Variants in ANKS1B observed in about 807,000 individuals in gnomAD.
The protein encoded by ANKS1B is ankyrin repeat and sterile alpha motif domain containing 1B.
A neutral mutation model predicts 148.3 loss-of-function variants in ANKS1B; 36 were observed. The ratio of observed to expected loss-of-function variants is 0.24; its 90% CI spans 0.19 to 0.32. ANKS1B has a LOEUF of 0.32. Among genes scored for constraint, ANKS1B ranks in the 10% least tolerant of loss-of-function variants. The probability of loss-of-function intolerance (pLI) is 1.00; values close to 1 mark genes in which losing one functional copy is unlikely to be tolerated. For missense variants in ANKS1B, 1,157 were observed against 1,542.6 expected, an observed-to-expected ratio of 0.75 and a Z score of 4.19; for synonymous variants, 542 against 560.8, an observed-to-expected ratio of 0.97 and a Z score of 0.47.
Position 99,399,683 on chromosome 12 carries a change from G to T in ANKS1B, c.1704C>A (p.Pro568=). 1 of 1,613,524 alleles carries T rather than the reference G, an allele frequency of 6.2e-7. No individual in the cohort carries two copies. Among genetic ancestry groups the T allele is most frequent in the Non-Finnish European group, 8.5e-7 (1 of 1,179,514 alleles). ...SFTASPPASP[P]TSSVGTTEVK... ...CTTCTGTGGTTCCCACAGAAGAGGT[G>T]GGTGGACTAGCAGGAGGACTGGCAG... The change falls in exon 12 of 27, where the codon CCC becomes CCA. Residue 568 remains proline, a synonymous_variant. Transcript: ENST00000683438.
intron 1 of ANKS1B, among the ~76,000 whole-genome samples, chr12:99,835,176 C>G (rs2084636815): frequency 6.7e-6 from 1 of 150,018 alleles, no homozygotes; most frequent in African/African-American, 2.5e-5. Context: ...CTTTTGGAGG[C>G]CAAGACAGGT....
intron 17 of ANKS1B, among the ~76,000 whole-genome samples, chr12:98,983,648 C>T (rs1234942878): frequency 1.3e-5 from 2 of 152,160 alleles, no homozygotes; most frequent in Non-Finnish European, 2.9e-5. Context: ...TCACCACTTC[C>T]CAAGGTTCCT....
chr12:99,531,012 T>C (rs1459407683), intron 9 of ANKS1B, among the ~76,000 whole-genome samples: 1 of 152,178 alleles, frequency 6.6e-6, no homozygotes, highest in Non-Finnish European at 1.5e-5. Context: ...CTTGCTTATG[T>C]TCTCCTTATT....
chr12:98,910,691 T>C (rs1438411592), intron 17 of ANKS1B, among the ~76,000 whole-genome samples: 4 of 152,200 alleles, frequency 2.6e-5, no homozygotes, highest in African/African-American at 9.7e-5. Flanking sequence ...TTGTAAATAG[T>C]GCATTTAAAA....
At chr12:98,911,923 C>A (rs186577132) in intron 17 of ANKS1B, among the ~76,000 whole-genome samples, 1 of 152,174 alleles carries the variant, frequency 6.6e-6, no homozygotes, top group Admixed American at 6.5e-5. Flanking sequence ...TCAGGGACAC[C>A]TTGACTGGGT....
At chr12:99,194,549 CA>C (rs2081156195) in intron 14 of ANKS1B, among the ~76,000 whole-genome samples, 1 of 151,524 alleles carries the variant, frequency 6.6e-6, no homozygotes, top group Non-Finnish European at 1.5e-5. Context: ...AGGAATGAAA[CA>C]AAAAAGAAAT....
intron 16 of ANKS1B, among the ~76,000 whole-genome samples, chr12:99,081,660 A>T (rs1290347499): frequency 6.6e-6 from 1 of 152,128 alleles, no homozygotes; most frequent in Non-Finnish European, 1.5e-5. Flanking sequence ...ATAGAAGCTT[A>T]ATTTTGTATT....
chr12:99,666,945 G>A (rs2098511271), intron 8 of ANKS1B, among the ~76,000 whole-genome samples: 1 of 151,534 alleles, frequency 6.6e-6, no homozygotes, highest in Admixed American at 6.6e-5. Context: ...AGTATACAAT[G>A]TGATGTTATT....
At chr12:99,191,825 C>T (rs1286834600) in intron 14 of ANKS1B, among the ~76,000 whole-genome samples, 3 of 151,976 alleles carry the variant, frequency 2.0e-5, no homozygotes, top group South Asian at 2.1e-4. Context: ...ACATGTATTT[C>T]GGAACTTAAA....
chr12:99,816,038 T>C (rs948514873), intron 2 of ANKS1B, among the ~76,000 whole-genome samples: 1 of 151,894 alleles, frequency 6.6e-6, no homozygotes, highest in East Asian at 1.9e-4. Context: ...GATCTGCTTT[T>C]AGTTCTTTAA....
At chr12:99,840,035 G>C (rs981338827) in intron 1 of ANKS1B, among the ~76,000 whole-genome samples, 8 of 152,100 alleles carry the variant, frequency 5.3e-5, no homozygotes, top group Admixed American at 4.6e-4. Context: ...AGCAGTTGGA[G>C]AAGGCTGTAC....
chr12:99,063,652 T>A (rs906092716), intron 16 of ANKS1B, among the ~76,000 whole-genome samples: 3 of 152,170 alleles, frequency 2.0e-5, no homozygotes, highest in Admixed American at 1.3e-4. Context: ...CACTTAACAA[T>A]GATGTGGGAC....
chr12:99,448,881 G>A (rs933746601), intron 10 of ANKS1B, among the ~76,000 whole-genome samples: 4 of 151,884 alleles, frequency 2.6e-5, no homozygotes, highest in Non-Finnish European at 4.4e-5. Flanking sequence ...TTCCAATATT[G>A]CCTTCCCATT....
chr12:98,992,437 T>C (rs1441108646), intron 17 of ANKS1B, among the ~76,000 whole-genome samples: 1 of 152,114 alleles, frequency 6.6e-6, no homozygotes, highest in Non-Finnish European at 1.5e-5. Context: ...TGGGGGTGAT[T>C]TCCCTCATGC....
chr12:99,608,362 C>A (rs941365876), intron 9 of ANKS1B, among the ~76,000 whole-genome samples: 1 of 152,010 alleles, frequency 6.6e-6, no homozygotes, highest in Non-Finnish European at 1.5e-5. Context: ...TCTGTCTGAC[C>A]CAGTCAAACA....
At chr12:98,977,732 A>C (rs757289826) in intron 17 of ANKS1B, among the ~76,000 whole-genome samples, 1 of 152,226 alleles carries the variant, frequency 6.6e-6, no homozygotes, top group Non-Finnish European at 1.5e-5. Context: ...ATAGGGAATC[A>C]AAGTATAGAA....
intron 17 of ANKS1B, among the ~76,000 whole-genome samples, chr12:98,892,968 T>C (rs1200982921): frequency 1.3e-5 from 2 of 152,206 alleles, no homozygotes; most frequent in Non-Finnish European, 1.5e-5. Context: ...AACATTAAGT[T>C]TGGCAACTGC....
chr12:99,152,177 C>G lies in ANKS1B; in HGVS notation c.2526+2112G>C, dbSNP rs12825896. Among the ~76,000 whole-genome samples, 682 of 152,160 alleles carry G rather than the reference C, an allele frequency of 4.5e-3. 3 individuals are homozygous for G. The highest frequency in any genetic ancestry group is 7.5e-3 in the Admixed American group (114 of 15,258). The stretch of plus-strand genomic sequence containing the variant: ...AATTTTTATAAAGGTAGAAATTAAT[C>G]GCTTATGATACTAGTAGCAAATAAA... On this transcript the variant is annotated intron_variant, in intron 15 of 26. Coordinates refer to ENST00000683438, the MANE Select transcript of ANKS1B (RefSeq NM_001352186.2).
intron 17 of ANKS1B, among the ~76,000 whole-genome samples, chr12:98,909,138 G>A (rs2099783320): frequency 6.6e-6 from 1 of 152,086 alleles, no homozygotes; most frequent in Admixed American, 6.5e-5. Flanking sequence ...CTCCCTCTCT[G>A]TTCAGGCCAC....
Sources: gnomAD v4.1 joint callset for allele counts (sites outside exome capture counted in the v4.1 genomes callset) on GRCh38, gnomAD v4.1.1 for gene constraint, MANE v1.5 for transcripts, NCBI Gene and HGNC (gene_info 2026-07-23, HGNC 2026-07-21) for gene names.